The following TFRC variants were observed in gnomAD, a reference collection of about 807,000 sequenced individuals.
TFRC encodes the protein transferrin receptor protein 1.
A neutral mutation model predicts 85.8 loss-of-function variants in TFRC; 35 were observed. The ratio of observed to expected loss-of-function variants is 0.41; its 90% confidence interval spans 0.31 to 0.54. The LOEUF (loss-of-function observed/expected upper bound fraction) is 0.54, where lower values mean the gene tolerates loss of function less well. Among genes scored for constraint, TFRC ranks in the 20% least tolerant of loss-of-function variants. TFRC has a pLI of 0.31. For missense variants in TFRC, 828 were observed against 921.5 expected (o/e 0.90, Z 1.31); for synonymous variants, 362 against 328.6 (o/e 1.10, Z -1.10).
intron 18 of TFRC, among the ~76,000 whole-genome samples, chr3:196,052,750 G>A (rs1462230071): frequency 6.6e-6 from 1 of 152,018 alleles, no homozygotes; most frequent in Non-Finnish European, 1.5e-5. Flanking sequence ...CAGCTGATCA[G>A]ACTTTCTATA....
At chr3:196,064,166 A>G in intron 11 of TFRC, 143 bp downstream of exon 11, 1 of 914,592 alleles carries the variant, frequency 1.1e-6, no homozygotes, top group Non-Finnish European at 1.5e-6. Context: ...CAGCTACAAC[A>G]AAAGACAATC....
At position 196,076,492 on chromosome 3, in the gene TFRC, C is replaced by T. The variant is rs112149378; in HGVS notation, c.36+572G>A. On this transcript the variant is annotated intron_variant, in intron 2 of 18. Coordinates refer to ENST00000360110, the MANE Select transcript of TFRC (RefSeq NM_001128148.3). ...TGAGACGGAGTCTCACTCTGTTGCC[C>T]AGGCTGGAGTGCAATGGCGTGATCT... 2.2e-3 allele frequency among the ~76,000 whole-genome samples: 326 copies of T among 151,148 alleles called. 2 individuals carry two copies. The highest frequency in any genetic ancestry group is 7.7e-3 in the African/African-American group (316 of 41,202).
rs1169977152 is a variant in TFRC, at chr3:196,049,695, T to C, written c.*2247A>G. 4.3e-6 allele frequency: 1 copy of C among 230,046 alleles called. No homozygotes were observed. The highest frequency in any genetic ancestry group is 8.6e-6 in the Non-Finnish European group (1 of 116,132). The allele number at this position is 230,046 out of a possible 1,614,324, so 14.3% of individuals were successfully genotyped here. ...TTCATATTGTGTTATACGATGAACA[T>C]GCCACATGCTTTCATTTAAGTACGT... On this transcript the variant is annotated 3_prime_UTR_variant, in exon 19 of 19. Transcript: ENST00000360110.
At chr3:196,076,956 A>G in intron 2 of TFRC, 108 bp downstream of exon 2, 1 of 1,029,564 alleles carries the variant, frequency 9.7e-7, no homozygotes, top group South Asian at 1.4e-5. Flanking sequence ...AATGTAAATG[A>G]ATACCTGATA....
At chr3:196,078,444 G>T (rs1425227621) in intron 1 of TFRC, among the ~76,000 whole-genome samples, 1 of 152,138 alleles carries the variant, frequency 6.6e-6, no homozygotes, top group Non-Finnish European at 1.5e-5. Flanking sequence ...GGATCACGAG[G>T]TCAGGAGTTT....
At chr3:196,058,093 G>T (rs140706816) in intron 16 of TFRC, 191 bp downstream of exon 16, 156 of 454,074 alleles carry the variant, frequency 3.4e-4, no homozygotes, top group African/African-American at 2.8e-3. Flanking sequence ...TGGTAGCCAA[G>T]AATAATTACC....
intron 3 of TFRC, 85 bp downstream of exon 3, chr3:196,075,074 C>CAA: frequency 2.7e-6 from 2 of 734,066 alleles, no homozygotes; most frequent in Non-Finnish European, 2.1e-6. Flanking sequence ...AAATAAGGTA[C>CAA]AAAATAACTA....
chr3:196,075,060 A>AAT, intron 3 of TFRC, 99 bp downstream of exon 3: 1 of 708,306 alleles, frequency 1.4e-6, no homozygotes, highest in Non-Finnish European at 2.2e-6. Flanking sequence ...AAAAAAAAAA[A>AAT]AAAAAATAAG....
Position 196,067,606 on chromosome 3 carries a change from G to A in TFRC, c.952C>T (p.His318Tyr), listed in dbSNP as rs1027623487. The part of the protein sequence containing the change: ...PYTPGFPSFN[H>Y]TQFPPSRSSG... ...GACCGAGATGGTGGAAACTGAGTGTGATTGAAGGAAGGGAATCCAGGTGTG... is the reference window on the plus strand; with the variant it reads ...GACCGAGATGGTGGAAACTGAGTGTAATTGAAGGAAGGGAATCCAGGTGTG... Residue 318 changes from histidine (H) to tyrosine (Y), a missense_variant, in exon 9 of 19, where the codon CAC becomes TAC. Transcript: ENST00000360110. 1.2e-6 allele frequency: 2 copies of A among 1,614,156 alleles called. No individual in the cohort carries two copies. Among genetic ancestry groups the A allele is most frequent in the Middle Eastern group, 1.6e-4 (1 of 6,062 alleles).
intron 16 of TFRC, 123 bp from the exon 17 acceptor site, chr3:196,055,424 C>T (rs1716699970): frequency 5.4e-6 from 4 of 739,042 alleles, no homozygotes; most frequent in South Asian, 3.3e-5. Context: ...ATATTCCTAC[C>T]GCAATTTACC....
At position 196,055,072 on chromosome 3, in the gene TFRC, G is replaced by C; in HGVS notation, c.1899+8C>G. The C allele has an allele frequency of 6.2e-7, 1 of 1,613,224 alleles. No individual in the cohort carries two copies. The highest frequency in any genetic ancestry group is 8.5e-7 in the Non-Finnish European group (1 of 1,179,532). Reference sequence around the variant, plus strand: ...CAAAATAAAAACGTAATTGGAATCAGTGCTCACCTTTATGTCTGCTCTGTA... The same window carrying C: ...CAAAATAAAAACGTAATTGGAATCACTGCTCACCTTTATGTCTGCTCTGTA... On this transcript the variant is annotated splice_region_variant and intron_variant, in intron 17 of 18. Transcript: ENST00000360110.
chr3:196,070,775 A>AATAATAATAATAATAATAATG (rs1173920189), intron 6 of TFRC, among the ~76,000 whole-genome samples: 3 of 11,928 alleles, frequency 2.5e-4, no homozygotes, highest in Non-Finnish European at 2.1e-3. Flanking sequence ...GTCTCTACCA[A>AATAATAATAATAATAATAATG]ATAATAATAA....
At chr3:196,076,553 A>G (rs1718719183) in intron 2 of TFRC, among the ~76,000 whole-genome samples, 1 of 151,166 alleles carries the variant, frequency 6.6e-6, no homozygotes, top group African/African-American at 2.4e-5. Context: ...GGGTTCAAGC[A>G]ATTCTCCTGC....
chr3:196,052,228 T>G (rs752651624), intron 18 of TFRC, 44 bp from the exon 19 acceptor site: 7 of 1,586,964 alleles, frequency 4.4e-6, no homozygotes, highest in Non-Finnish European at 6.0e-6. Context: ...CCCTGTGACT[T>G]TTGTAGTAAA....
At chr3:196,069,639 G>C (rs1718029094) in intron 6 of TFRC, 71 bp from the exon 7 acceptor site, 3 of 991,152 alleles carry the variant, frequency 3.0e-6, no homozygotes, top group Non-Finnish European at 4.6e-6. Flanking sequence ...AGACAGAAGA[G>C]TGTTATAGAT....
chr3:196,069,797 TC>T (rs1718039581), intron 6 of TFRC: 1 of 389,952 alleles, frequency 2.6e-6, no homozygotes, highest in East Asian at 4.5e-5. Flanking sequence ...CATGCTTTTA[TC>T]CCATGCTGCC....
Position 196,050,768 on chromosome 3 carries a change from CT to C in TFRC, c.*1173del. The C allele has an allele frequency of 4.9e-6, 1 of 204,044 alleles. No homozygotes were observed. Among genetic ancestry groups the C allele is most frequent in the Non-Finnish European group, 1.0e-5 (1 of 99,232 alleles). The allele number at this position is 204,044 out of a possible 1,614,324, so 12.6% of individuals were successfully genotyped here. On this transcript the variant is annotated 3_prime_UTR_variant, in exon 19 of 19. Transcript: ENST00000360110. ...CACTGCATTTAGGAAAACCAGCATTCTTATCTGGTCAGTGCTCGCTTCTTAG... is the reference window on the plus strand; with the variant it reads ...CACTGCATTTAGGAAAACCAGCATTCTATCTGGTCAGTGCTCGCTTCTTAG...
chr3:196,076,040 A>G (rs1241477866), intron 2 of TFRC, among the ~76,000 whole-genome samples: 1 of 150,586 alleles, frequency 6.6e-6, no homozygotes, highest in Non-Finnish European at 1.5e-5. Flanking sequence ...CAGGAGGCTG[A>G]GGCAGGAGAA....
chr3:196,076,590 C>T (rs1295001878), intron 2 of TFRC, among the ~76,000 whole-genome samples: 1 of 152,020 alleles, frequency 6.6e-6, no homozygotes, highest in Non-Finnish European at 1.5e-5. Context: ...GCTGGGACTA[C>T]AGGCATGCGC....
Sources: allele counts gnomAD v4.1 joint callset (sites outside exome capture counted in the v4.1 genomes callset), GRCh38; gene constraint gnomAD v4.1.1; transcripts MANE v1.5; gene names NCBI Gene and HGNC (gene_info 2026-07-23, HGNC 2026-07-21).